The following GABRB1 variants were observed in gnomAD, a reference collection of about 807,000 sequenced individuals.
GABRB1 encodes gamma-aminobutyric acid receptor subunit beta-1.
Under a neutral mutation model 51.6 loss-of-function variants are expected in GABRB1, and 17 were observed. The ratio of observed to expected loss-of-function variants is 0.33; its 90% CI spans 0.23 to 0.49. GABRB1 has a LOEUF of 0.49. GABRB1 is among the 20% of genes least tolerant of loss of function. The probability of loss-of-function intolerance (pLI) is 0.99; values close to 1 mark genes in which losing one functional copy is unlikely to be tolerated. For missense variants in GABRB1, 410 were observed against 600.6 expected (o/e 0.68, Z 3.32); for synonymous variants, 247 against 218.9 (o/e 1.13, Z -1.14).
chr4:47,342,632 A>G (rs1327872226), intron 5 of GABRB1, among the ~76,000 whole-genome samples: 1 of 152,202 alleles, frequency 6.6e-6, no homozygotes, highest in Non-Finnish European at 1.5e-5. Flanking sequence ...TTTTCAGAAG[A>G]TGTACAGCTT....
chr4:47,041,463 C>G (rs1725832267), intron 3 of GABRB1, among the ~76,000 whole-genome samples: 1 of 152,056 alleles, frequency 6.6e-6, no homozygotes, highest in Admixed American at 6.6e-5. Context: ...CTTTCCCTAC[C>G]TCTACTGAAA....
intron 3 of GABRB1, among the ~76,000 whole-genome samples, chr4:47,074,518 C>T (rs1727470679): frequency 6.6e-6 from 1 of 152,124 alleles, no homozygotes; most frequent in South Asian, 2.1e-4. Flanking sequence ...TATCACATTT[C>T]TTACATAATT....
At position 47,140,483 on chromosome 4, in the gene GABRB1, C is replaced by CT. The variant is rs547825797; in HGVS notation, c.241-20759dup. 2.0e-4 allele frequency among the ~76,000 whole-genome samples: 31 copies of CT among 151,954 alleles called. No individual in the cohort carries two copies. In the South Asian group the frequency reaches 5.6e-3, roughly 27 times the overall value. Reference sequence around the variant, plus strand: ...AAAATCCCAAAAGAGCTCCTAAACACTTTTTTTGTATCTGAAAAAAGGATA... The same window carrying CT: ...AAAATCCCAAAAGAGCTCCTAAACACTTTTTTTTGTATCTGAAAAAAGGATA... On this transcript the variant is annotated intron_variant, in intron 3 of 8. Transcript: ENST00000295454.
intron 4 of GABRB1, among the ~76,000 whole-genome samples, chr4:47,212,482 C>A (rs1720398328): frequency 6.6e-6 from 1 of 152,158 alleles, no homozygotes. Flanking sequence ...TGATACCAGC[C>A]TGGCCAACAT....
At chr4:47,019,692 T>C (rs1348986933) in intron 1 of GABRB1, among the ~76,000 whole-genome samples, 1 of 116,444 alleles carries the variant, frequency 8.6e-6, no homozygotes, top group Non-Finnish European at 1.8e-5. Context: ...TCTTTCCTTC[T>C]TCTTTCCTTC....
At chr4:47,068,389 C>T (rs567284299) in intron 3 of GABRB1, among the ~76,000 whole-genome samples, 4 of 152,298 alleles carry the variant, frequency 2.6e-5, no homozygotes, top group African/African-American at 9.6e-5. Flanking sequence ...CTCTTTGGTG[C>T]AAGAGACCAA....
chr4:47,107,843 CTCA>C (rs1560537683), intron 3 of GABRB1, among the ~76,000 whole-genome samples: 1 of 151,956 alleles, frequency 6.6e-6, no homozygotes, highest in South Asian at 2.1e-4. Context: ...CTTAAAAGAG[CTCA>C]TATTTTAGGA....
upstream of GABRB1, chr4:47,031,401 C>T (rs1577839848): frequency 3.7e-6 from 2 of 540,590 alleles, no homozygotes; most frequent in African/African-American, 1.9e-5. Flanking sequence ...TCGTAGGATC[C>T]CCTGCGTGGA....
intron 4 of GABRB1, among the ~76,000 whole-genome samples, chr4:47,173,922 C>G (rs903006906): frequency 6.6e-6 from 1 of 152,170 alleles, no homozygotes; most frequent in African/African-American, 2.4e-5. Context: ...TACATAGTCT[C>G]AAACATAGTC....
intron 3 of GABRB1, among the ~76,000 whole-genome samples, chr4:47,157,774 G>A (rs555694702): frequency 2.6e-5 from 4 of 151,852 alleles, no homozygotes; most frequent in Non-Finnish European, 5.9e-5. Context: ...CTTCAAAAAG[G>A]TTTTATTAAG....
intron 3 of GABRB1, among the ~76,000 whole-genome samples, chr4:47,082,013 G>T (rs530506988): frequency 3.8e-4 from 58 of 151,982 alleles, no homozygotes; most frequent in African/African-American, 1.4e-3. Context: ...TTATTAAGTA[G>T]CTGTAAATAA....
At chr4:47,297,184 A>G (rs1724034268) in intron 4 of GABRB1, among the ~76,000 whole-genome samples, 1 of 151,562 alleles carries the variant, frequency 6.6e-6, no homozygotes, top group Admixed American at 6.6e-5. Context: ...ACACCCTAAC[A>G]TCACAATTAA....
chr4:47,132,528 G>T (rs1716471782), intron 3 of GABRB1, among the ~76,000 whole-genome samples: 1 of 151,948 alleles, frequency 6.6e-6, no homozygotes, highest in Non-Finnish European at 1.5e-5. Context: ...GTTCAAGATG[G>T]CACCTGAGTC....
chr4:47,373,837 G>A (rs1405644302), intron 5 of GABRB1, among the ~76,000 whole-genome samples: 1 of 152,184 alleles, frequency 6.6e-6, no homozygotes, highest in Non-Finnish European at 1.5e-5. Context: ...TACATATAGA[G>A]TGCGTATCAG....
chr4:47,262,379 C>T (rs1311156516), intron 4 of GABRB1, among the ~76,000 whole-genome samples: 2 of 152,098 alleles, frequency 1.3e-5, no homozygotes, highest in Non-Finnish European at 2.9e-5. Context: ...AAAAAGTGGG[C>T]AAAGGATATG....
In GABRB1 at chr4:47,259,438, A is replaced by G. The variant is rs571600605; in HGVS notation, c.462-60689A>G. 2.0e-5 allele frequency among the ~76,000 whole-genome samples: 3 copies of G among 152,298 alleles called. No homozygotes were observed. The East Asian group carries it at 5.8e-4, about 29-fold the overall frequency. On this transcript the variant is annotated intron_variant, in intron 4 of 8. Coordinates refer to ENST00000295454, the MANE Select transcript of GABRB1 (RefSeq NM_000812.4). ...AAGCTCTGTTTGTATGTTAAAAGTCAATAATGTTTATAGTATACTTTTGCA... is the reference window on the plus strand; with the variant it reads ...AAGCTCTGTTTGTATGTTAAAAGTCGATAATGTTTATAGTATACTTTTGCA...
chr4:47,226,594 CT>C (rs532209207), intron 4 of GABRB1, among the ~76,000 whole-genome samples: 3 of 152,000 alleles, frequency 2.0e-5, no homozygotes, highest in African/African-American at 4.8e-5. Context: ...CAATAAAATC[CT>C]TTTTTTATAT....
At chr4:47,226,716 A>G (rs1044128953) in intron 4 of GABRB1, among the ~76,000 whole-genome samples, 5 of 152,156 alleles carry the variant, frequency 3.3e-5, no homozygotes, top group Non-Finnish European at 1.5e-5. Flanking sequence ...TAAATATCTC[A>G]ATAAATAAGC....
At chr4:47,175,258 A>G (rs1373784359) in intron 4 of GABRB1, among the ~76,000 whole-genome samples, 1 of 146,958 alleles carries the variant, frequency 6.8e-6, no homozygotes, top group Non-Finnish European at 1.5e-5. Flanking sequence ...AGGTCTTCCT[A>G]TGTTGCTCAG....
Sources: gnomAD v4.1 joint callset for allele counts (sites outside exome capture counted in the v4.1 genomes callset) on GRCh38, gnomAD v4.1.1 for gene constraint, MANE v1.5 for transcripts, NCBI Gene and HGNC (gene_info 2026-07-23, HGNC 2026-07-21) for gene names.